PCSK6: variants seen among roughly 807,000 people sequenced by gnomAD.
PCSK6 encodes the protein proprotein convertase subtilisin/kexin type 6, also known as paired basic amino acid cleaving enzyme 4.
Under a neutral mutation model 123.3 loss-of-function variants are expected in PCSK6, and 85 were observed. That is an observed-to-expected ratio of 0.69 (90% CI 0.58 to 0.83). The LOEUF is 0.83. PCSK6 is among the 40% of genes least tolerant of loss of function. The probability of loss-of-function intolerance (pLI) is 0.00; values close to 1 mark genes in which losing one functional copy is unlikely to be tolerated. For synonymous variants in PCSK6, 508 were observed against 516.0 expected, an observed-to-expected ratio of 0.98 and a Z score of 0.21; for missense variants, 1,191 against 1,282.3, an observed-to-expected ratio of 0.93 and a Z score of 1.09.
intron 6 of PCSK6, among the ~76,000 whole-genome samples, chr15:101,415,424 T>C (rs7182565): frequency 0.033 from 5,085 of 152,344 alleles, 209 homozygotes; most frequent in African/African-American, 0.1. Context: ...TAAGCTTTCA[T>C]AGAAAGCCCC....
intron 6 of PCSK6, among the ~76,000 whole-genome samples, chr15:101,425,364 C>T (rs1010842595): frequency 6.6e-6 from 1 of 152,194 alleles, no homozygotes; most frequent in African/African-American, 2.4e-5. Flanking sequence ...CCAAGCCCAC[C>T]TCTGGGTGAG....
intron 2 of PCSK6, among the ~76,000 whole-genome samples, chr15:101,440,665 A>G (rs972590179): frequency 2.6e-5 from 4 of 152,244 alleles, no homozygotes; most frequent in Non-Finnish European, 5.9e-5. Flanking sequence ...TCTGAATAAT[A>G]TTAAATCATC....
chr15:101,374,279 C>T (rs994084639), intron 11 of PCSK6, among the ~76,000 whole-genome samples: 3 of 139,810 alleles, frequency 2.1e-5, no homozygotes, highest in Non-Finnish European at 4.7e-5. Flanking sequence ...ATATGTTGGC[C>T]TCCTCCTATT....
Position 101,303,936 on chromosome 15 carries a change from G to GA in PCSK6, c.*1321dup, listed in dbSNP as rs2039669883. The GA allele has an allele frequency of 6.6e-6, 1 of 152,614 alleles. No individual in the cohort carries two copies. The highest frequency in any genetic ancestry group is 2.4e-5 in the African/African-American group (1 of 41,444). 9.5% of individuals were successfully genotyped at this position (152,614 alleles called of 1,614,324 possible). A position where few individuals can be genotyped will look rare whatever the true frequency, so the allele number is the denominator to read the frequency against. On this transcript the variant is annotated 3_prime_UTR_variant, in exon 22 of 22. Coordinates refer to ENST00000611716, the MANE Select transcript of PCSK6 (RefSeq NM_002570.5). ...AGAAATACAGGCTCCTGTGCCATGG[G>GA]ATGTTAACTCTTTTATTAATTTAGG...
Position 101,305,464 on chromosome 15 carries a change from T to C in PCSK6, c.2813-109A>G, listed in dbSNP as rs2039702495. On this transcript the variant is annotated intron_variant, in intron 21 of 21. Transcript: ENST00000611716. The surrounding 1 kb of genome is among the most constrained non-coding windows in gnomAD (Gnocchi z 4.8). ...GCCTCATGCCTGTAATCCCAGCACT[T>C]TGGGAGGCCGAGGTGGGTGGATCAC... is the stretch of plus-strand genomic sequence containing the variant. The C allele has an allele frequency of 2.3e-6, 2 of 856,018 alleles. No individual in the cohort carries two copies. Among genetic ancestry groups the C allele is most frequent in the Admixed American group, 4.1e-5 (2 of 49,146 alleles). 53.0% of individuals were successfully genotyped at this position (856,018 alleles called of 1,614,324 possible).
chr15:101,321,291 T>G (rs1424272493), intron 18 of PCSK6, among the ~76,000 whole-genome samples: 1 of 152,226 alleles, frequency 6.6e-6, no homozygotes, highest in Non-Finnish European at 1.5e-5. Flanking sequence ...CAGGTTTAAA[T>G]GACAGCAGAT....
intron 11 of PCSK6, among the ~76,000 whole-genome samples, chr15:101,373,408 C>G (rs1412270048): frequency 6.6e-6 from 1 of 152,226 alleles, no homozygotes; most frequent in Non-Finnish European, 1.5e-5. Context: ...TTACAGGCCA[C>G]CAGGACTCCT....
intron 11 of PCSK6, among the ~76,000 whole-genome samples, chr15:101,380,955 C>G (rs1367409398): frequency 6.6e-6 from 1 of 152,184 alleles, no homozygotes; most frequent in African/African-American, 2.4e-5. Context: ...CAGAGAAACA[C>G]CGTTCTCCTT....
At chr15:101,373,521 T>C (rs1434307995) in intron 11 of PCSK6, among the ~76,000 whole-genome samples, 2 of 152,216 alleles carry the variant, frequency 1.3e-5, no homozygotes, top group African/African-American at 4.8e-5. Context: ...CACATTTTAC[T>C]TCTGTGGTTG....
intron 1 of PCSK6, among the ~76,000 whole-genome samples, chr15:101,444,074 C>A (rs1038009485): frequency 6.6e-6 from 1 of 152,204 alleles, no homozygotes; most frequent in African/African-American, 2.4e-5. Flanking sequence ...ATCCTCTCCA[C>A]CCCATGGGTA....
chr15:101,429,520 A>C (rs2056375772), intron 5 of PCSK6, among the ~76,000 whole-genome samples: 1 of 152,138 alleles, frequency 6.6e-6, no homozygotes, highest in Non-Finnish European at 1.5e-5. Context: ...GCAGCCAGTA[A>C]GTGGGAGAGC....
chr15:101,465,423 T>C (rs1056693389), intron 1 of PCSK6, among the ~76,000 whole-genome samples: 1 of 152,218 alleles, frequency 6.6e-6, no homozygotes, highest in Non-Finnish European at 1.5e-5. Context: ...GTACGTCCAG[T>C]GCAGCTCAGC....
At chr15:101,484,651 A>G (rs1412680973) in intron 1 of PCSK6, among the ~76,000 whole-genome samples, 1 of 152,002 alleles carries the variant, frequency 6.6e-6, no homozygotes, top group Non-Finnish European at 1.5e-5. Flanking sequence ...TCTGCCTCCC[A>G]AAGTGCTGGG....
chr15:101,362,284 A>T (rs1395416969), intron 13 of PCSK6, among the ~76,000 whole-genome samples: 1 of 152,208 alleles, frequency 6.6e-6, no homozygotes, highest in Non-Finnish European at 1.5e-5. Context: ...TGTGGAAAGC[A>T]AGAAAGAGGC....
At chr15:101,337,657 G>A (rs1200588248) in intron 13 of PCSK6, among the ~76,000 whole-genome samples, 1 of 152,062 alleles carries the variant, frequency 6.6e-6, no homozygotes, top group Non-Finnish European at 1.5e-5. Flanking sequence ...CGCATTCGAC[G>A]TTATTTATTT....
chr15:101,395,390 G>A (rs1309125236), intron 7 of PCSK6, among the ~76,000 whole-genome samples: 4 of 152,170 alleles, frequency 2.6e-5, no homozygotes, highest in African/African-American at 9.7e-5. Context: ...ACCCCACTTT[G>A]AATACCAAGA....
At position 101,422,284 on chromosome 15, in the gene PCSK6, A is replaced by G. The variant is rs555198026; in HGVS notation, c.823+5608T>C. On this transcript the variant is annotated intron_variant, in intron 6 of 21. Coordinates refer to ENST00000611716, the MANE Select transcript of PCSK6 (RefSeq NM_002570.5). The stretch of plus-strand genomic sequence containing the variant: ...GAGAACATATAAACTCCTCACAACC[A>G]CTTGGCTGAACCCTGAAGTATACAT... Among the ~76,000 whole-genome samples the G allele has an allele frequency of 2.0e-5, 3 of 152,354 alleles. No homozygotes were observed. The East Asian group carries it at 5.8e-4, about 29-fold the overall frequency.
At chr15:101,444,855 G>A (rs370097639) in intron 1 of PCSK6, among the ~76,000 whole-genome samples, 4 of 152,284 alleles carry the variant, frequency 2.6e-5, no homozygotes, top group African/African-American at 4.8e-5. Context: ...AGACCTGGAG[G>A]GACTTGGATG....
At chr15:101,315,359 A>G (rs1267235938) in intron 19 of PCSK6, among the ~76,000 whole-genome samples, 3 of 152,368 alleles carry the variant, frequency 2.0e-5, no homozygotes, top group Non-Finnish European at 4.4e-5. Flanking sequence ...ACTAAAAAAT[A>G]TGAATTTCAT....
Sources: allele counts gnomAD v4.1 joint callset (sites outside exome capture counted in the v4.1 genomes callset), GRCh38; gene constraint gnomAD v4.1.1; non-coding constraint Gnocchi (gnomAD v3.1); transcripts MANE v1.5; gene names NCBI Gene and HGNC (gene_info 2026-07-23, HGNC 2026-07-21).